EEFSEC: variants seen among roughly 807,000 people sequenced by gnomAD.
The protein encoded by EEFSEC is eukaryotic elongation factor, selenocysteine-tRNA specific.
Under a neutral mutation model 42.1 loss-of-function variants are expected in EEFSEC, and 43 were observed. The ratio of observed to expected loss-of-function variants is 1.02; its 90% confidence interval spans 0.80 to 1.32. The LOEUF (loss-of-function observed/expected upper bound fraction) is 1.32, where lower values mean the gene tolerates loss of function less well. Among genes scored for constraint, EEFSEC ranks in the 40% most tolerant of loss-of-function variants. EEFSEC has a pLI of 0.00. For missense variants in EEFSEC, 745 were observed against 803.6 expected (o/e 0.93, Z 0.88); for synonymous variants, 354 against 339.1 (o/e 1.04, Z -0.48).
intron 4 of EEFSEC, among the ~76,000 whole-genome samples, chr3:128,319,574 C>T (rs1273120267): frequency 6.6e-6 from 1 of 152,200 alleles, no homozygotes; most frequent in South Asian, 2.1e-4. Context: ...TTCTGAAAGT[C>T]ATCTCAAGTG....
Position 128,317,606 on chromosome 3 carries a change from C to T in EEFSEC, c.787-23627C>T, listed in dbSNP as rs1056233617. Among the ~76,000 whole-genome samples, 1 of 152,242 alleles carries T rather than the reference C, an allele frequency of 6.6e-6. No individual in the cohort carries two copies. The highest frequency in any genetic ancestry group is 2.1e-4 in the South Asian group (1 of 4,836). Reference sequence around the variant, plus strand: ...GTTCTGACCTTTGTACTTCATCACTCCTCACCCCTGTGTGGCATCTCACGG... The same window carrying T: ...GTTCTGACCTTTGTACTTCATCACTTCTCACCCCTGTGTGGCATCTCACGG... On this transcript the variant is annotated intron_variant, in intron 4 of 6. Transcript: ENST00000254730. This position sits in a 1 kb window ranked among gnomAD's most constrained non-coding sequence, Gnocchi z 4.1.
chr3:128,374,642 C>T (rs1387407554), intron 6 of EEFSEC, among the ~76,000 whole-genome samples: 1 of 152,046 alleles, frequency 6.6e-6, no homozygotes, highest in Non-Finnish European at 1.5e-5. Context: ...TGATTTTCCT[C>T]CATGTTTATG....
chr3:128,412,716 G>C (rs1228762017), downstream of EEFSEC, among the ~76,000 whole-genome samples: 1 of 152,212 alleles, frequency 6.6e-6, no homozygotes, highest in East Asian at 1.9e-4. Flanking sequence ...ATTAGCATTT[G>C]ACTGATAACG....
At chr3:128,229,306 T>C (rs4857878) in intron 1 of EEFSEC, among the ~76,000 whole-genome samples, 108,886 of 152,090 alleles carry the variant, frequency 0.72, 39,180 homozygotes, top group East Asian at 0.89. Context: ...AAGCCAAGGC[T>C]AGAGAGCGAA....
chr3:128,360,908 C>T (rs2067517816), intron 6 of EEFSEC, among the ~76,000 whole-genome samples: 1 of 151,990 alleles, frequency 6.6e-6, no homozygotes, highest in Non-Finnish European at 1.5e-5. Flanking sequence ...CCATCCCTCC[C>T]ACCCCCACTC....
intron 4 of EEFSEC, among the ~76,000 whole-genome samples, chr3:128,323,467 C>G (rs1033753762): frequency 6.6e-6 from 1 of 152,218 alleles, no homozygotes; most frequent in Non-Finnish European, 1.5e-5. Context: ...GTGCTGGAAA[C>G]AGCATACCTC....
intron 3 of EEFSEC, 53 bp from the exon 4 acceptor site, chr3:128,264,564 G>C: frequency 6.9e-6 from 11 of 1,588,394 alleles, no homozygotes; most frequent in Non-Finnish European, 8.6e-6. Flanking sequence ...CCTCTGCCCT[G>C]CCCCATCTGG....
In EEFSEC at chr3:128,388,783, G is replaced by GT. The variant is rs2067872799; in HGVS notation, c.1601-19280dup. Among the ~76,000 whole-genome samples, 3 of 152,232 alleles carry GT rather than the reference G, an allele frequency of 2.0e-5. No homozygotes were observed. The South Asian group carries it at 6.2e-4, about 32-fold the overall frequency. ...CTAGCCCCTGAGCCCTTGCAGGGGTGTTTTTTGAAACTCAGTCCAGAAGAC... is the reference window on the plus strand; with the variant it reads ...CTAGCCCCTGAGCCCTTGCAGGGGTGTTTTTTTGAAACTCAGTCCAGAAGAC... On this transcript the variant is annotated intron_variant, in intron 6 of 6. Coordinates refer to ENST00000254730, the MANE Select transcript of EEFSEC (RefSeq NM_021937.5).
intron 6 of EEFSEC, among the ~76,000 whole-genome samples, chr3:128,392,944 T>C (rs2067933508): frequency 6.6e-6 from 1 of 152,144 alleles, no homozygotes; most frequent in African/African-American, 2.4e-5. Flanking sequence ...GGCCCTGGTT[T>C]CCCTTGGTTT....
At chr3:128,248,418 C>A (rs539652912) in intron 2 of EEFSEC, among the ~76,000 whole-genome samples, 2 of 152,326 alleles carry the variant, frequency 1.3e-5, no homozygotes, top group South Asian at 4.1e-4. Flanking sequence ...AATTAAAGCT[C>A]CAGCTCTGTG....
At chr3:128,388,314 C>A (rs963578797) in intron 6 of EEFSEC, among the ~76,000 whole-genome samples, 1 of 152,230 alleles carries the variant, frequency 6.6e-6, no homozygotes, top group Non-Finnish European at 1.5e-5. Context: ...TGCCTGCATG[C>A]CAAGTCCCCC....
At chr3:128,306,731 C>T (rs903461282) in intron 4 of EEFSEC, among the ~76,000 whole-genome samples, 12 of 152,264 alleles carry the variant, frequency 7.9e-5, no homozygotes, top group African/African-American at 2.9e-4. Flanking sequence ...TATATCTTCT[C>T]ATTTAATTCA....
chr3:128,160,448 G>A (rs1467897244), intron 1 of EEFSEC, among the ~76,000 whole-genome samples: 1 of 152,150 alleles, frequency 6.6e-6, no homozygotes, highest in African/African-American at 2.4e-5. Flanking sequence ...CCTAGAGAAT[G>A]GCCCTTAGTG....
chr3:128,329,738 G>A (rs879603948), intron 4 of EEFSEC, among the ~76,000 whole-genome samples: 62 of 152,340 alleles, frequency 4.1e-4, no homozygotes, highest in Non-Finnish European at 4.0e-4. Context: ...CCACAGGCCT[G>A]TGTGCCCATC....
chr3:128,407,052 T>A (rs527485120), intron 6 of EEFSEC, among the ~76,000 whole-genome samples: 1 of 152,152 alleles, frequency 6.6e-6, no homozygotes, highest in South Asian at 2.1e-4. Flanking sequence ...GTGACAGGCT[T>A]GTATGTGCAA....
chr3:128,154,057 T>A, intron 1 of EEFSEC: 1 of 356,478 alleles, frequency 2.8e-6, no homozygotes, highest in Non-Finnish European at 4.7e-6. Context: ...GGCGCCTTCC[T>A]TAAAAAAAAA....
At chr3:128,364,118 C>T (rs568167346) in intron 6 of EEFSEC, among the ~76,000 whole-genome samples, 180 of 152,276 alleles carry the variant, frequency 1.2e-3, no homozygotes, top group Admixed American at 2.2e-3. Context: ...GGCAGCAAAG[C>T]GAGACCCCAT....
At chr3:128,163,213 T>C (rs1257343014) in intron 1 of EEFSEC, among the ~76,000 whole-genome samples, 2 of 151,738 alleles carry the variant, frequency 1.3e-5, no homozygotes, top group African/African-American at 4.8e-5. Context: ...GGAGGCCCAG[T>C]CTTGGTGGGG....
Position 128,172,541 on chromosome 3 carries a change from C to T in EEFSEC, c.316+18718C>T, listed in dbSNP as rs148064552. Among the ~76,000 whole-genome samples the T allele has an allele frequency of 3.3e-3, 510 of 152,318 alleles. 1 individual carries two copies. Among genetic ancestry groups the T allele is most frequent in the Middle Eastern group, 0.01 (3 of 294 alleles). On this transcript the variant is annotated intron_variant, in intron 1 of 6. Coordinates refer to ENST00000254730, the MANE Select transcript of EEFSEC (RefSeq NM_021937.5). ...CTCAAACTCCTGGGCTCAAGTGATC[C>T]TCCTGCTTTGACTGCCCAAAGTGCT...
Sources: allele counts gnomAD v4.1 joint callset (sites outside exome capture counted in the v4.1 genomes callset), GRCh38; gene constraint gnomAD v4.1.1; non-coding constraint Gnocchi (gnomAD v3.1); transcripts MANE v1.5; gene names NCBI Gene and HGNC (gene_info 2026-07-23, HGNC 2026-07-21).